The following TEX2 variants were observed in gnomAD, a reference collection of about 807,000 sequenced individuals.
TEX2 encodes the protein testis expressed 2.
Under a neutral mutation model 106.9 loss-of-function variants are expected in TEX2, and 53 were observed. The ratio of observed to expected loss-of-function variants is 0.50; its 90% CI spans 0.40 to 0.62. The LOEUF is 0.62. TEX2 is among the 20% of genes least tolerant of loss of function. The pLI is 0.00. For synonymous variants in TEX2, 523 were observed against 534.8 expected (o/e 0.98, Z 0.30); for missense variants, 1,207 against 1,379.0 (o/e 0.88, Z 1.98).
At chr17:64,245,545 T>C (rs533114370) in intron 1 of TEX2, among the ~76,000 whole-genome samples, 8 of 152,320 alleles carry the variant, frequency 5.3e-5, no homozygotes, top group African/African-American at 1.9e-4. Context: ...AAATCGAGGA[T>C]TGAACAATGC....
chr17:64,218,405 CTTTTTTTTTTTTTTT>C (rs10526886), intron 1 of TEX2, among the ~76,000 whole-genome samples: 3 of 120,634 alleles, frequency 2.5e-5, no homozygotes, highest in African/African-American at 7.2e-5. Context: ...GACACTTTCA[CTTTTTTTTTTTTTTT>C]TTTTTTTTTT....
intron 2 of TEX2, among the ~76,000 whole-genome samples, chr17:64,209,601 G>A (rs1225274143): frequency 1.3e-5 from 2 of 152,202 alleles, no homozygotes; most frequent in Non-Finnish European, 2.9e-5. Context: ...TCTCTACAAG[G>A]AAAATTCAAA....
intron 5 of TEX2, among the ~76,000 whole-genome samples, chr17:64,186,050 T>A (rs1465665824): frequency 1.3e-5 from 2 of 152,210 alleles, no homozygotes; most frequent in African/African-American, 4.8e-5. Flanking sequence ...GGGACCCCAG[T>A]GAACATAGCA....
At chr17:64,171,246 A>G (rs759528180) in intron 6 of TEX2, 47 bp from the exon 7 acceptor site, 1 of 1,500,172 alleles carries the variant, frequency 6.7e-7, no homozygotes, top group Non-Finnish European at 9.3e-7. Flanking sequence ...AGCAACCTAC[A>G]AAACATGCTG....
chr17:64,188,117 A>G (rs778175787), intron 5 of TEX2, 51 bp downstream of exon 5: 6 of 1,578,560 alleles, frequency 3.8e-6, no homozygotes, highest in Middle Eastern at 2.3e-4. Context: ...GCATGAAGAA[A>G]TGTGTCTAAG....
At chr17:64,229,695 G>T (rs891483079) in intron 1 of TEX2, among the ~76,000 whole-genome samples, 1 of 152,040 alleles carries the variant, frequency 6.6e-6, no homozygotes, top group African/African-American at 2.4e-5. Context: ...ATATTGCTCT[G>T]TTTCCTATAC....
chr17:64,213,463 T>C lies in TEX2; in HGVS notation c.755A>G (p.Gln252Arg). Reference protein sequence around the residue: ...LNLHLFKQFTQPRNTGGDSKT... With the variant: ...LNLHLFKQFTRPRNTGGDSKT... Reference sequence around the variant, plus strand: ...GGAATCTCCACCTGTGTTTCGGGGCTGTGTGAACTGCTTGAACAGGTGTAA... The same window carrying C: ...GGAATCTCCACCTGTGTTTCGGGGCCGTGTGAACTGCTTGAACAGGTGTAA... Residue 252 changes from glutamine (Q) to arginine (R), a missense_variant, in exon 2 of 12, where the codon CAG becomes CGG. By Grantham distance (43) the Gln-to-Arg change is conservative. Transcript: ENST00000584379. This position sits in a 1 kb window ranked among gnomAD's most constrained non-coding sequence, Gnocchi z 4.4. 6.2e-7 allele frequency: 1 copy of C among 1,614,182 alleles called. No homozygotes were observed. Among genetic ancestry groups the C allele is most frequent in the Non-Finnish European group, 8.5e-7 (1 of 1,180,036 alleles).
At chr17:64,207,170 G>A (rs1230377780) in intron 2 of TEX2, among the ~76,000 whole-genome samples, 1 of 152,192 alleles carries the variant, frequency 6.6e-6, no homozygotes, top group Non-Finnish European at 1.5e-5. Flanking sequence ...AACTGTTCAT[G>A]GAACCAGTAA....
Position 64,228,929 on chromosome 17 carries a change from TACACACACACACAC to T in TEX2, c.-25-14701_-25-14688del, listed in dbSNP as rs57741930. On this transcript the variant is annotated intron_variant, in intron 1 of 11. Coordinates refer to ENST00000584379, the MANE Select transcript of TEX2 (RefSeq NM_001288732.2). ...TGGCCTATACCTATGGACTGACAGG[TACACACACACACAC>T]ACACACACACACACACACACACACA... is the stretch of plus-strand genomic sequence containing the variant. Among the ~76,000 whole-genome samples the T allele has an allele frequency of 7.0e-3, 1,027 of 146,664 alleles. 15 individuals are homozygous for T. Among genetic ancestry groups the T allele is most frequent in the African/African-American group, 0.023 (919 of 39,468 alleles).
At chr17:64,169,719 A>C (rs1254693474) in intron 7 of TEX2, among the ~76,000 whole-genome samples, 1 of 152,252 alleles carries the variant, frequency 6.6e-6, no homozygotes, top group Non-Finnish European at 1.5e-5. Context: ...TTCACTAAAC[A>C]CAATTCAAGA....
At chr17:64,200,711 T>G (rs1200504590) in intron 2 of TEX2, among the ~76,000 whole-genome samples, 2 of 152,330 alleles carry the variant, frequency 1.3e-5, no homozygotes, top group East Asian at 3.9e-4. Context: ...CCTGCTGCAC[T>G]GCAGGAGGCA....
Position 64,177,487 on chromosome 17 carries a change from G to C in TEX2, c.2425-16C>G. ...CCTCTGGCAACTGGCAAAAGAAAAG[G>C]GACCAAAATTAGCTAGAAAGCAACT... On this transcript the variant is annotated splice_polypyrimidine_tract_variant and intron_variant, in intron 5 of 11. Coordinates refer to ENST00000584379, the MANE Select transcript of TEX2 (RefSeq NM_001288732.2). The C allele has an allele frequency of 6.2e-7, 1 of 1,609,590 alleles. No individual in the cohort carries two copies. Among genetic ancestry groups the C allele is most frequent in the Non-Finnish European group, 8.5e-7 (1 of 1,178,786 alleles).
intron 5 of TEX2, among the ~76,000 whole-genome samples, chr17:64,183,663 G>A (rs1288273761): frequency 6.6e-6 from 1 of 151,754 alleles, no homozygotes; most frequent in Non-Finnish European, 1.5e-5. Context: ...CCTGAGCTCA[G>A]GCAGTCCACC....
chr17:64,167,849 G>A (rs1452884193), intron 7 of TEX2, among the ~76,000 whole-genome samples: 1 of 152,020 alleles, frequency 6.6e-6, no homozygotes, highest in Admixed American at 6.6e-5. Context: ...TTTGAGAGAT[G>A]AGGAAGTGAA....
chr17:64,196,259 G>T (rs1444299758), intron 2 of TEX2, among the ~76,000 whole-genome samples: 12 of 152,168 alleles, frequency 7.9e-5, no homozygotes. Context: ...TGATCCAAAG[G>T]TGCCTCCAAA....
At position 64,205,586 on chromosome 17, in the gene TEX2, G is replaced by C. The variant is rs916044201; in HGVS notation, c.1644+6988C>G. Among the ~76,000 whole-genome samples the C allele has an allele frequency of 8.6e-5, 13 of 152,032 alleles. No individual in the cohort carries two copies. Among genetic ancestry groups the C allele is most frequent in the African/African-American group, 2.9e-4 (12 of 41,398 alleles). ...AAAGACTTGCTTACTCTAATTTCTT[G>C]AAAGAATTTCAACAAATTGAGATTA... On this transcript the variant is annotated intron_variant, in intron 2 of 11. Coordinates refer to ENST00000584379, the MANE Select transcript of TEX2 (RefSeq NM_001288732.2). This position sits in a 1 kb window ranked among gnomAD's most constrained non-coding sequence, Gnocchi z 4.0.
intron 1 of TEX2, among the ~76,000 whole-genome samples, chr17:64,216,783 A>G (rs1385920822): frequency 6.6e-6 from 1 of 152,150 alleles, no homozygotes; most frequent in Non-Finnish European, 1.5e-5. Flanking sequence ...CTAATCCTCC[A>G]CACACTTGGG....
chr17:64,188,167 C>A lies in TEX2; in HGVS notation c.2424+1G>T. 1 of 1,605,318 alleles carries A rather than the reference C, an allele frequency of 6.2e-7. No homozygotes were observed. Among genetic ancestry groups the A allele is most frequent in the Non-Finnish European group, 8.5e-7 (1 of 1,178,442 alleles). ...AGGTCCGGCCCAGCAGCCAGCTTTA[C>A]CTTCTTCCCAGCTGTGGGGCTGCTC... On this transcript the variant is annotated splice_donor_variant, in intron 5 of 11. Coordinates refer to ENST00000584379, the MANE Select transcript of TEX2 (RefSeq NM_001288732.2). LOFTEE classifies it high-confidence loss of function.
chr17:64,248,119 T>C (rs1598226597), intron 1 of TEX2, among the ~76,000 whole-genome samples: 1 of 152,168 alleles, frequency 6.6e-6, no homozygotes, highest in Admixed American at 6.5e-5. Context: ...AAACGGCTGG[T>C]TACTTTCTAG....
Sources: allele counts gnomAD v4.1 joint callset (sites outside exome capture counted in the v4.1 genomes callset), GRCh38; gene constraint gnomAD v4.1.1; non-coding constraint Gnocchi (gnomAD v3.1); transcripts MANE v1.5; gene names NCBI Gene and HGNC (gene_info 2026-07-23, HGNC 2026-07-21).